DPP6: variants seen among roughly 807,000 people sequenced by gnomAD.
DPP6 encodes the protein dipeptidyl peptidase like 6, also known as A-type potassium channel modulatory protein DPP6.
Under a neutral mutation model 122.6 loss-of-function variants are expected in DPP6, and 69 were observed. The ratio of observed to expected loss-of-function variants is 0.56; its 90% CI spans 0.46 to 0.69. DPP6 has a LOEUF of 0.69. DPP6 is among the 30% of genes least tolerant of loss of function. DPP6 has a pLI of 0.00. For synonymous variants in DPP6, 418 were observed against 433.1 expected, an observed-to-expected ratio of 0.97 and a Z score of 0.43; for missense variants, 928 against 1,116.9, an observed-to-expected ratio of 0.83 and a Z score of 2.41.
intron 17 of DPP6, among the ~76,000 whole-genome samples, chr7:154,861,439 C>T (rs1311760688): frequency 6.6e-6 from 1 of 152,176 alleles, no homozygotes; most frequent in East Asian, 1.9e-4. Flanking sequence ...ATTTCTGGAA[C>T]AAGTTCTTCT....
At chr7:154,672,279 A>G (rs1838617597) in intron 7 of DPP6, among the ~76,000 whole-genome samples, 1 of 152,210 alleles carries the variant, frequency 6.6e-6, no homozygotes, top group Admixed American at 6.5e-5. Flanking sequence ...TTTCTTGTAT[A>G]AATGACTCAG....
chr7:154,479,419 G>A (rs1286809734), intron 3 of DPP6, among the ~76,000 whole-genome samples: 5 of 152,068 alleles, frequency 3.3e-5, no homozygotes, highest in South Asian at 4.2e-4. Flanking sequence ...TTAGCCAGGC[G>A]TGGTAGGGCA....
chr7:153,927,173 C>T (rs1040780118), intron 1 of DPP6, among the ~76,000 whole-genome samples: 4 of 151,896 alleles, frequency 2.6e-5, no homozygotes, highest in South Asian at 2.1e-4. Flanking sequence ...GTTGGCTGGG[C>T]GTGGTGCTGT....
intron 2 of DPP6, among the ~76,000 whole-genome samples, chr7:154,466,020 G>T (rs1393295413): frequency 1.3e-5 from 2 of 152,142 alleles, no homozygotes; most frequent in African/African-American, 4.8e-5. Context: ...GGAATACTAT[G>T]CAGTCATAAA....
chr7:154,247,444 G>T (rs1802052481), intron 1 of DPP6, among the ~76,000 whole-genome samples: 1 of 152,096 alleles, frequency 6.6e-6, no homozygotes, highest in African/African-American at 2.4e-5. Context: ...CAAAAGACTT[G>T]AACAGGCACT....
Position 154,863,243 on chromosome 7 carries a change from C to A in DPP6, c.1715-4752C>A, listed in dbSNP as rs542918009. ...TCTATTTTGTTCATAAAGCATGTCT[C>A]TGTTGATCACTGCATGTATATGTGG... is the stretch of plus-strand genomic sequence containing the variant. On this transcript the variant is annotated intron_variant, in intron 17 of 25. Transcript: ENST00000377770. The surrounding 1 kb of genome is among the most constrained non-coding windows in gnomAD (Gnocchi z 4.1). Among the ~76,000 whole-genome samples the A allele has an allele frequency of 1.5e-4, 23 of 152,128 alleles. No homozygotes were observed. The highest frequency in any genetic ancestry group is 1.0e-3 in the Admixed American group (16 of 15,284).
At position 154,555,660 on chromosome 7, in the gene DPP6, CTAA is replaced by C. The variant is rs1326568750; in HGVS notation, c.553-11178_553-11176del. Among the ~76,000 whole-genome samples the C allele has an allele frequency of 1.1e-4, 17 of 151,398 alleles. No homozygotes were observed. The South Asian group carries it at 2.1e-3, about 19-fold the overall frequency. On this transcript the variant is annotated intron_variant, in intron 4 of 25. Coordinates refer to ENST00000377770, the MANE Select transcript of DPP6 (RefSeq NM_130797.4). The stretch of plus-strand genomic sequence containing the variant: ...AAAAAAATCCAAATGTCAAAAAAAA[CTAA>C]TAAGAACATATCTTAATATGGCTAA...
the DPP6 span, among the ~76,000 whole-genome samples, chr7:153,839,984 T>C: frequency 6.6e-5 from 10 of 152,252 alleles, no homozygotes; most frequent in African/African-American, 2.4e-4. Context: ...ATGCTGGAGA[T>C]GTGTGATTTT....
At chr7:154,096,906 G>A (rs1372511236) in intron 1 of DPP6, among the ~76,000 whole-genome samples, 1 of 152,198 alleles carries the variant, frequency 6.6e-6, no homozygotes, top group Non-Finnish European at 1.5e-5. Context: ...TAGAAAACCA[G>A]GTATTAGTAG....
the DPP6 span, among the ~76,000 whole-genome samples, chr7:153,762,989 C>T: frequency 1.2e-4 from 19 of 152,154 alleles, no homozygotes; most frequent in Admixed American, 1.3e-4. Context: ...ATTTGAAGGA[C>T]GCTGTATAAG....
intron 8 of DPP6, among the ~76,000 whole-genome samples, chr7:154,762,353 C>T (rs1358254522): frequency 6.6e-6 from 1 of 152,224 alleles, no homozygotes; most frequent in Non-Finnish European, 1.5e-5. Context: ...GTGCCACACT[C>T]ACCAAGGCGT....
chr7:154,016,708 T>G (rs1361698387), intron 1 of DPP6, among the ~76,000 whole-genome samples: 5 of 152,216 alleles, frequency 3.3e-5, no homozygotes, highest in African/African-American at 1.2e-4. Context: ...TTGGTAGTTT[T>G]AGATTTTGGG....
At chr7:154,891,061 T>C in intron 25 of DPP6, 1 of 152,236 alleles carries the variant, frequency 6.6e-6, no homozygotes, top group Non-Finnish European at 1.5e-5. Flanking sequence ...AGACCCCATC[T>C]CTACAAAAAG....
chr7:154,798,809 G>A (rs1402003880), intron 12 of DPP6, among the ~76,000 whole-genome samples: 3 of 152,216 alleles, frequency 2.0e-5, no homozygotes, highest in Middle Eastern at 3.2e-3. Context: ...GGAATTCATG[G>A]ACCCTATTTT....
At chr7:154,178,077 G>A (rs914647254) in intron 1 of DPP6, among the ~76,000 whole-genome samples, 5 of 152,162 alleles carry the variant, frequency 3.3e-5, no homozygotes, top group African/African-American at 4.8e-5. Context: ...CACTTGGGGT[G>A]ACCCAAAGCT....
intron 1 of DPP6, among the ~76,000 whole-genome samples, chr7:154,231,513 T>C (rs1297054692): frequency 1.3e-5 from 2 of 152,108 alleles, no homozygotes; most frequent in Admixed American, 6.5e-5. Flanking sequence ...CTGGGTCTAA[T>C]AGCATAAAAC....
intron 2 of DPP6, among the ~76,000 whole-genome samples, chr7:154,469,276 G>T (rs1822056080): frequency 6.6e-6 from 1 of 152,182 alleles, no homozygotes; most frequent in Non-Finnish European, 1.5e-5. Context: ...ACTCAGGTAA[G>T]ATTATTTAAT....
intron 5 of DPP6, among the ~76,000 whole-genome samples, chr7:154,597,718 G>T (rs1021357542): frequency 6.6e-6 from 1 of 152,198 alleles, no homozygotes; most frequent in East Asian, 1.9e-4. Context: ...GGTTCTGGAG[G>T]CCAGAAGTCA....
chr7:154,694,201 C>T (rs1034995005), intron 7 of DPP6, among the ~76,000 whole-genome samples: 1 of 152,178 alleles, frequency 6.6e-6, no homozygotes, highest in Non-Finnish European at 1.5e-5. Context: ...GAGCGTTCTC[C>T]CCTCATGACG....
Sources: allele counts gnomAD v4.1 joint callset (sites outside exome capture counted in the v4.1 genomes callset), GRCh38; gene constraint gnomAD v4.1.1; non-coding constraint Gnocchi (gnomAD v3.1); transcripts MANE v1.5; gene names NCBI Gene and HGNC (gene_info 2026-07-23, HGNC 2026-07-21).